The following LHFPL6 variants were observed in gnomAD, a reference collection of about 807,000 sequenced individuals.
The protein encoded by LHFPL6 is LHFPL tetraspan subfamily member 6.
A neutral mutation model predicts 20.6 loss-of-function variants in LHFPL6; 9 were observed. The ratio of observed to expected loss-of-function variants is 0.44; its 90% confidence interval spans 0.26 to 0.76. The LOEUF (loss-of-function observed/expected upper bound fraction) is 0.76. Ranked by LOEUF, LHFPL6 falls within the 30% of genes least tolerant of loss-of-function variation. The pLI is 0.20. For synonymous variants in LHFPL6, 105 were observed against 98.7 expected (o/e 1.06, Z -0.38); for missense variants, 218 against 253.5 (o/e 0.86, Z 0.95).
chr13:39,554,187 C>T (rs537135641), intron 2 of LHFPL6, among the ~76,000 whole-genome samples: 2 of 152,300 alleles, frequency 1.3e-5, no homozygotes, highest in East Asian at 3.9e-4. Flanking sequence ...TCCTGTACTT[C>T]CTATAATCAA....
At chr13:39,549,439 C>G (rs1367458774) in intron 2 of LHFPL6, among the ~76,000 whole-genome samples, 2 of 151,902 alleles carry the variant, frequency 1.3e-5, no homozygotes, top group Non-Finnish European at 2.9e-5. Context: ...TAACGATTTC[C>G]TAGATACAAC....
At chr13:39,584,356 G>A (rs1021287113) in intron 2 of LHFPL6, among the ~76,000 whole-genome samples, 4 of 151,842 alleles carry the variant, frequency 2.6e-5, no homozygotes, top group East Asian at 1.9e-4. Flanking sequence ...GAGAAACCCC[G>A]TCTCTACCAA....
chr13:39,555,324 C>CTTTT (rs74344851), intron 2 of LHFPL6, among the ~76,000 whole-genome samples: 2 of 135,136 alleles, frequency 1.5e-5, no homozygotes, highest in African/African-American at 2.7e-5. Flanking sequence ...TCTCCCCGCC[C>CTTTT]TTTTTTTTTT....
intron 2 of LHFPL6, among the ~76,000 whole-genome samples, chr13:39,580,863 C>A (rs1035671072): frequency 2.0e-5 from 3 of 152,216 alleles, no homozygotes; most frequent in Non-Finnish European, 2.9e-5. Flanking sequence ...CAGAATTTAA[C>A]CCTGTCTGTC....
intron 2 of LHFPL6, among the ~76,000 whole-genome samples, chr13:39,439,431 A>C (rs901718442): frequency 1.3e-5 from 2 of 152,066 alleles, no homozygotes; most frequent in African/African-American, 4.8e-5. Flanking sequence ...ATGGGACTTT[A>C]GATTGGATTT....
chr13:39,467,217 C>T (rs1339463469), intron 2 of LHFPL6, among the ~76,000 whole-genome samples: 1 of 152,148 alleles, frequency 6.6e-6, no homozygotes, highest in Non-Finnish European at 1.5e-5. Context: ...CATCTTTCTT[C>T]TAAATCCTAA....
At chr13:39,556,369 C>A (rs1437844358) in intron 2 of LHFPL6, among the ~76,000 whole-genome samples, 1 of 152,004 alleles carries the variant, frequency 6.6e-6, no homozygotes, top group Non-Finnish European at 1.5e-5. Context: ...ATGGTTGTGA[C>A]CAAAACGCTG....
intron 3 of LHFPL6, among the ~76,000 whole-genome samples, chr13:39,371,952 C>T (rs1025415596): frequency 2.0e-5 from 3 of 152,214 alleles, no homozygotes; most frequent in Non-Finnish European, 2.9e-5. Flanking sequence ...AAGTGCCAAA[C>T]GCTCTTACAA....
At chr13:39,414,357 A>G (rs1871299556) in intron 2 of LHFPL6, among the ~76,000 whole-genome samples, 1 of 152,220 alleles carries the variant, frequency 6.6e-6, no homozygotes, top group Admixed American at 6.5e-5. Flanking sequence ...CATCTTCCTA[A>G]TTCCATCTTC....
At chr13:39,358,401 G>A (rs1244739005) in intron 3 of LHFPL6, among the ~76,000 whole-genome samples, 1 of 152,106 alleles carries the variant, frequency 6.6e-6, no homozygotes, top group Non-Finnish European at 1.5e-5. Context: ...TAACTCGAGA[G>A]ATTAAAGATT....
intron 3 of LHFPL6, among the ~76,000 whole-genome samples, chr13:39,357,527 G>A (rs142011120): frequency 1.9e-4 from 29 of 152,236 alleles, no homozygotes; most frequent in African/African-American, 7.0e-4. Context: ...GTAACAAATG[G>A]CATCCAAATA....
chr13:39,388,247 T>C (rs776724197), intron 2 of LHFPL6, among the ~76,000 whole-genome samples: 8 of 152,216 alleles, frequency 5.3e-5, no homozygotes, highest in Non-Finnish European at 1.0e-4. Flanking sequence ...GCCTTGATTC[T>C]CATTCTTCTT....
At chr13:39,548,550 T>C (rs1871048881) in intron 2 of LHFPL6, among the ~76,000 whole-genome samples, 1 of 152,056 alleles carries the variant, frequency 6.6e-6, no homozygotes, top group Non-Finnish European at 1.5e-5. Context: ...TTTTCCCTTA[T>C]TATTTCTTGG....
chr13:39,345,283 C>T (rs1456278080), intron 3 of LHFPL6, among the ~76,000 whole-genome samples: 3 of 152,058 alleles, frequency 2.0e-5, no homozygotes, highest in South Asian at 2.1e-4. Context: ...GAGGCCAAGG[C>T]GGGTGGATCA....
intron 2 of LHFPL6, among the ~76,000 whole-genome samples, chr13:39,491,141 A>G (rs1381086505): frequency 6.6e-6 from 1 of 152,254 alleles, no homozygotes; most frequent in Admixed American, 6.5e-5. Flanking sequence ...ATTTGCAAGA[A>G]GTACAAGGCA....
chr13:39,537,241 C>T (rs564555742), intron 2 of LHFPL6, among the ~76,000 whole-genome samples: 28 of 152,194 alleles, frequency 1.8e-4, no homozygotes, highest in African/African-American at 6.5e-4. Context: ...TCACAGTCCT[C>T]GGCACGCACA....
chr13:39,468,687 A>T (rs1344532799), intron 2 of LHFPL6, among the ~76,000 whole-genome samples: 1 of 152,200 alleles, frequency 6.6e-6, no homozygotes, highest in Middle Eastern at 3.2e-3. Context: ...GATCAAAAAC[A>T]TCTAATATTA....
At chr13:39,561,502 G>T (rs778554707) in intron 2 of LHFPL6, among the ~76,000 whole-genome samples, 7 of 152,130 alleles carry the variant, frequency 4.6e-5, no homozygotes, top group Non-Finnish European at 1.0e-4. Context: ...ATGGGGTCTT[G>T]TTCTGTCACC....
chr13:39,599,289 C>A (rs2324351), intron 2 of LHFPL6, among the ~76,000 whole-genome samples: 1 of 152,260 alleles, frequency 6.6e-6, no homozygotes, highest in Non-Finnish European at 1.5e-5. Flanking sequence ...GAAACACAAA[C>A]AGCAGACCAA....
Sources: allele counts gnomAD v4.1 joint callset (sites outside exome capture counted in the v4.1 genomes callset), GRCh38; gene constraint gnomAD v4.1.1; transcripts MANE v1.5; gene names NCBI Gene and HGNC (gene_info 2026-07-23, HGNC 2026-07-21).